ARHGEF28: variants seen among roughly 807,000 people sequenced by gnomAD.
ARHGEF28 encodes Rho guanine nucleotide exchange factor 28.
Under a neutral mutation model 206.6 loss-of-function variants are expected in ARHGEF28, and 152 were observed. The observed-to-expected ratio is 0.74, with a 90% CI of 0.64 to 0.84. The LOEUF (loss-of-function observed/expected upper bound fraction) is 0.84. Ranked by LOEUF, ARHGEF28 falls within the 40% of genes least tolerant of loss-of-function variation. The pLI, the probability that ARHGEF28 is intolerant of heterozygous loss-of-function variation, is 0.00. For synonymous variants in ARHGEF28, 763 were observed against 776.4 expected (o/e 0.98, Z 0.29); for missense variants, 2,028 against 2,073.2 (o/e 0.98, Z 0.42).
chr5:73,807,183 C>T (rs1755563466), intron 9 of ARHGEF28, among the ~76,000 whole-genome samples: 1 of 151,988 alleles, frequency 6.6e-6, no homozygotes, highest in Non-Finnish European at 1.5e-5. Context: ...TGCACCCCTG[C>T]TCTGTCCAGA....
chr5:73,913,562 C>T (rs752258324), intron 35 of ARHGEF28, among the ~76,000 whole-genome samples: 7 of 152,152 alleles, frequency 4.6e-5, no homozygotes, highest in Non-Finnish European at 8.8e-5. Flanking sequence ...GCTCCGTGGG[C>T]GCTTGCCACA....
At chr5:73,684,959 G>T in intron 2 of ARHGEF28, 75 bp downstream of exon 2, 1 of 1,497,278 alleles carries the variant, frequency 6.7e-7, no homozygotes, top group South Asian at 1.2e-5. Context: ...GAAGTGGGGA[G>T]AAATGTTTTT....
intron 1 of ARHGEF28, among the ~76,000 whole-genome samples, chr5:73,678,098 A>G (rs145033919): frequency 2.0e-5 from 3 of 152,364 alleles, no homozygotes; most frequent in East Asian, 1.9e-4. Flanking sequence ...TCAGTGCTCT[A>G]CTGTGAAAGA....
intron 1 of ARHGEF28, among the ~76,000 whole-genome samples, chr5:73,648,535 A>G (rs999849832): frequency 1.4e-4 from 21 of 152,256 alleles, no homozygotes; most frequent in Non-Finnish European, 2.1e-4. Context: ...GATTTCTGGA[A>G]TTAAATGAAT....
chr5:73,899,511 G>A (rs1198250930), intron 30 of ARHGEF28: 1 of 152,356 alleles, frequency 6.6e-6, no homozygotes, highest in East Asian at 1.9e-4. Flanking sequence ...GATTCAGGTA[G>A]AGGAAGTACC....
rs780371961 is a variant in ARHGEF28 at position 73,892,148 on chromosome 5, G to C, written c.3484G>C (p.Gly1162Arg). The change falls in exon 27 of 36, where the codon GGT becomes CGT. Residue 1162 changes from glycine to arginine, a missense_variant. Gly to Arg is a moderately radical substitution (Grantham distance 125). Transcript: ENST00000513042. Reference sequence around the variant, plus strand: ...GTTTCTGATCAGTGCTTCATCTGCTGGTCCTGAGATGTATGAAATTCACAC... The same window carrying C: ...GTTTCTGATCAGTGCTTCATCTGCTCGTCCTGAGATGTATGAAATTCACAC... Reference protein sequence around the residue: ...GMFLISASSAGPEMYEIHTNS... With the variant: ...GMFLISASSARPEMYEIHTNS... 3.0e-5 allele frequency: 48 copies of C among 1,586,732 alleles called. No homozygotes were observed. The highest frequency in any genetic ancestry group is 3.9e-5 in the Non-Finnish European group (46 of 1,165,068).
chr5:73,740,356 T>C (rs910387095), intron 2 of ARHGEF28, among the ~76,000 whole-genome samples: 6 of 152,222 alleles, frequency 3.9e-5, no homozygotes, highest in African/African-American at 1.4e-4. Context: ...TTAAGTTCTT[T>C]AGCCTCATTC....
At chr5:73,639,496 T>A (rs898565931) in intron 1 of ARHGEF28, among the ~76,000 whole-genome samples, 12 of 151,976 alleles carry the variant, frequency 7.9e-5, no homozygotes, top group African/African-American at 2.9e-4. Context: ...TATAAATTTA[T>A]ATACATTTTA....
chr5:73,765,222 T>G (rs1752830512), intron 4 of ARHGEF28, among the ~76,000 whole-genome samples: 1 of 152,234 alleles, frequency 6.6e-6, no homozygotes, highest in Admixed American at 6.5e-5. Context: ...GGGCCAGATA[T>G]TTATAGACAG....
In ARHGEF28 at chr5:73,915,334, C is replaced by T. The variant is rs372004028; in HGVS notation, c.4948+3759C>T. ...AAATATTTTGTTTCTCCAATGTTGC[C>T]TAATAATAAACCCATGTTATCTGTA... On this transcript the variant is annotated intron_variant, in intron 35 of 35. Coordinates refer to ENST00000513042, the MANE Select transcript of ARHGEF28 (RefSeq NM_001177693.2). 3.3e-5 allele frequency among the ~76,000 whole-genome samples: 5 copies of T among 152,070 alleles called. No homozygotes were observed. The South Asian group carries it at 8.3e-4, about 25-fold the overall frequency.
chr5:73,859,008 C>G (rs960916284), intron 16 of ARHGEF28, among the ~76,000 whole-genome samples: 5 of 152,294 alleles, frequency 3.3e-5, no homozygotes, highest in African/African-American at 1.2e-4. Context: ...GATTGCAACA[C>G]TCTTTCCTCA....
chr5:73,667,190 C>T (rs1419326375), intron 1 of ARHGEF28, among the ~76,000 whole-genome samples: 2 of 152,214 alleles, frequency 1.3e-5, no homozygotes, highest in East Asian at 3.9e-4. Context: ...TCTGAGCCTC[C>T]CTCCTATCGT....
intron 35 of ARHGEF28, among the ~76,000 whole-genome samples, chr5:73,920,671 G>A (rs937799496): frequency 2.0e-5 from 3 of 147,256 alleles, no homozygotes; most frequent in Non-Finnish European, 3.0e-5. Flanking sequence ...TGCCTCAGCC[G>A]TCATCTAGGT....
chr5:73,712,536 C>T (rs562040835), intron 2 of ARHGEF28, among the ~76,000 whole-genome samples: 8 of 152,262 alleles, frequency 5.3e-5, no homozygotes, highest in East Asian at 1.9e-4. Flanking sequence ...TATATCTTGT[C>T]GCTAAAGCTG....
intron 1 of ARHGEF28, among the ~76,000 whole-genome samples, chr5:73,632,943 A>G (rs1441744493): frequency 6.6e-6 from 1 of 152,032 alleles, no homozygotes; most frequent in Non-Finnish European, 1.5e-5. Context: ...AAATAATAAT[A>G]CAACTCACCA....
intron 13 of ARHGEF28, among the ~76,000 whole-genome samples, chr5:73,851,267 C>T (rs1758681941): frequency 6.6e-6 from 1 of 152,128 alleles, no homozygotes; most frequent in South Asian, 2.1e-4. Context: ...CTCCTTATGT[C>T]CCAGAGGGAA....
chr5:73,790,861 T>C (rs1166559764), intron 7 of ARHGEF28, among the ~76,000 whole-genome samples: 21 of 152,126 alleles, frequency 1.4e-4, no homozygotes, highest in Admixed American at 1.4e-3. Context: ...GCAGGTGCAG[T>C]AGTTAGTAGT....
chr5:73,782,777 G>C (rs1489542417), intron 7 of ARHGEF28, among the ~76,000 whole-genome samples: 4 of 152,288 alleles, frequency 2.6e-5, no homozygotes, highest in Non-Finnish European at 4.4e-5. Context: ...AGCTTCACCT[G>C]AGTGCCTGGC....
At chr5:73,684,192 C>T (rs1483178644) in intron 1 of ARHGEF28, among the ~76,000 whole-genome samples, 1 of 152,186 alleles carries the variant, frequency 6.6e-6, no homozygotes, top group Non-Finnish European at 1.5e-5. Flanking sequence ...TCCTTATCTT[C>T]CCAAACTGAA....
Sources: allele counts gnomAD v4.1 joint callset (sites outside exome capture counted in the v4.1 genomes callset), GRCh38; gene constraint gnomAD v4.1.1; transcripts MANE v1.5; gene names NCBI Gene and HGNC (gene_info 2026-07-23, HGNC 2026-07-21).